GUCY2D: variants seen among roughly 807,000 people sequenced by gnomAD.
GUCY2D encodes guanylate cyclase 2D, retinal.
GUCY2D carries 70 observed loss-of-function variants against 101.3 expected under a neutral mutation model. That is an observed-to-expected ratio of 0.69 (90% CI 0.57 to 0.84). The LOEUF (loss-of-function observed/expected upper bound fraction) is 0.84. Among genes scored for constraint, GUCY2D ranks in the 40% least tolerant of loss-of-function variants. The probability of loss-of-function intolerance (pLI) is 0.00; values close to 1 mark genes in which losing one functional copy is unlikely to be tolerated. For synonymous variants in GUCY2D, 688 were observed against 670.7 expected (o/e 1.03, Z -0.40); for missense variants, 1,460 against 1,542.5 (o/e 0.95, Z 0.90).
At position 8,012,129 on chromosome 17, in the gene GUCY2D, C is replaced by T. The variant is rs374969713; in HGVS notation, c.1750-15C>T. On this transcript the variant is annotated splice_polypyrimidine_tract_variant and intron_variant, in intron 8 of 19. Transcript: ENST00000254854. ...GCCCTGGGCAGAAAATGCAAGTCAA[C>T]TCTCCCCCTCTCAGCTCCAGGAGCT... 19 of 1,599,026 alleles carry T rather than the reference C, an allele frequency of 1.2e-5. No homozygotes were observed. The African/African-American group carries it at 2.1e-4, about 18-fold the overall frequency.
chr17:8,004,817 C>G (rs1328865921), intron 3 of GUCY2D, among the ~76,000 whole-genome samples: 1 of 152,188 alleles, frequency 6.6e-6, no homozygotes, highest in Admixed American at 6.5e-5. Flanking sequence ...AAAGGTCCAA[C>G]TCACAGGCGG....
rs763362455 is a variant in GUCY2D, at chr17:8,012,237, C to T, written c.1843C>T (p.Leu615=). ...CCCTGCGGCCCTCTGGGAGGGCAAC[C>T]TGGCTGTGGTCTCAGAGCACTGCAC... ...EGPAALWEGN[L]AVVSEHCTRG... Residue 615 remains leucine, a synonymous_variant, in exon 9 of 20, where the codon CTG becomes TTG. Transcript: ENST00000254854. 3 of 1,613,854 alleles carry T rather than the reference C, an allele frequency of 1.9e-6. No individual in the cohort carries two copies. Among genetic ancestry groups the T allele is most frequent in the Admixed American group, 1.7e-5 (1 of 60,010 alleles).
In GUCY2D at chr17:8,009,489, C is replaced by A; in HGVS notation, c.1669-17C>A. The A allele has an allele frequency of 6.4e-7, 1 of 1,564,338 alleles. No individual in the cohort carries two copies. Among genetic ancestry groups the A allele is most frequent in the Non-Finnish European group, 8.8e-7 (1 of 1,134,502 alleles). ...TTTAAGAGACTGAGTTCCCTACCCC[C>A]ATCCTCTTTGCTGCAGGGAGACAGG... On this transcript the variant is annotated splice_polypyrimidine_tract_variant and intron_variant, in intron 7 of 19. Coordinates refer to ENST00000254854, the MANE Select transcript of GUCY2D (RefSeq NM_000180.4).
intron 19 of GUCY2D, among the ~76,000 whole-genome samples, chr17:8,017,953 C>G (rs1976007954): frequency 6.6e-6 from 1 of 152,174 alleles, no homozygotes; most frequent in Non-Finnish European, 1.5e-5. Context: ...CTTGGCCTCC[C>G]AAAGTGCTGG....
At chr17:8,009,281 A>T (rs749084260) in intron 7 of GUCY2D, among the ~76,000 whole-genome samples, 17 of 152,188 alleles carry the variant, frequency 1.1e-4, no homozygotes, top group Non-Finnish European at 2.4e-4. Flanking sequence ...TGGTGAGGAC[A>T]GCCATCCATG....
rs1469093409 is a variant in GUCY2D at position 8,007,970 on chromosome 17, A to T, written c.1606A>T (p.Met536Leu). The T allele has an allele frequency of 6.2e-7, 1 of 1,613,860 alleles. No individual in the cohort carries two copies. Among genetic ancestry groups the T allele is most frequent in the Admixed American group, 1.7e-5 (1 of 60,012 alleles). ...TCGATCAAGTCTGGGTGCCCGCAGC[A>T]TGTCAGACATTCGCAGCGGCCCCAG... is the stretch of plus-strand genomic sequence containing the variant. ...GSRSSLGARSMSDIRSGPSQH... is the reference protein window; with the variant it reads ...GSRSSLGARSLSDIRSGPSQH... Residue 536 changes from methionine (M) to leucine (L), a missense_variant, in exon 7 of 20, where the codon ATG becomes TTG. Met to Leu is a conservative substitution (Grantham distance 15). This residue lies in a region of GUCY2D where 1,196 missense variants were observed against 1,229.6 expected (regional missense o/e 0.97). Transcript: ENST00000254854.
intron 19 of GUCY2D, among the ~76,000 whole-genome samples, chr17:8,018,340 G>C (rs1402427935): frequency 1.3e-5 from 2 of 152,150 alleles, no homozygotes; most frequent in Non-Finnish European, 2.9e-5. Flanking sequence ...AAGGATCTCA[G>C]GGCCCCACCC....
rs774588330 is a variant in GUCY2D, at chr17:8,013,264, C to T, written c.2263+12C>T. 3.7e-6 allele frequency: 6 copies of T among 1,613,722 alleles called. No homozygotes were observed. In the South Asian group the frequency reaches 6.6e-5, roughly 18 times the overall value. ...GCTCACTCCCGAGGGTAAGGCTGCCCTGTGCGTGGAGTTCGGCCCACAGGG... is the reference window on the plus strand; with the variant it reads ...GCTCACTCCCGAGGGTAAGGCTGCCTTGTGCGTGGAGTTCGGCCCACAGGG... On this transcript the variant is annotated intron_variant, in intron 11 of 19. Transcript: ENST00000254854. This position sits in a 1 kb window ranked among gnomAD's most constrained non-coding sequence, Gnocchi z 5.0.
At position 8,014,099 on chromosome 17, in the gene GUCY2D, CA is replaced by C; in HGVS notation, c.2412+72del. 1 of 1,374,816 alleles carries C rather than the reference CA, an allele frequency of 7.3e-7. No individual in the cohort carries two copies. Among genetic ancestry groups the C allele is most frequent in the Non-Finnish European group, 1.0e-6 (1 of 972,368 alleles). 85.2% of individuals were successfully genotyped at this position (1,374,816 alleles called of 1,614,324 possible). Reference sequence around the variant, plus strand: ...CCAGATGCTTGTCAGCAACCTGAGACAGCTGCAGACAGGCAGGCTGGCAGGA... The same window carrying C: ...CCAGATGCTTGTCAGCAACCTGAGACGCTGCAGACAGGCAGGCTGGCAGGA... On this transcript the variant is annotated intron_variant, in intron 12 of 19. Coordinates refer to ENST00000254854, the MANE Select transcript of GUCY2D (RefSeq NM_000180.4). This position sits in a 1 kb window ranked among gnomAD's most constrained non-coding sequence, Gnocchi z 4.0.
At chr17:8,012,964 TG>T (rs1975885269) in intron 10 of GUCY2D, 138 bp from the exon 11 acceptor site, 4 of 713,478 alleles carry the variant, frequency 5.6e-6, no homozygotes, top group African/African-American at 1.8e-5. Context: ...TAGAGATAGT[TG>T]CAGGGCTGGT....
intron 8 of GUCY2D, among the ~76,000 whole-genome samples, chr17:8,009,789 C>A (rs1487426548): frequency 6.6e-6 from 1 of 151,988 alleles, no homozygotes; most frequent in East Asian, 1.9e-4. Flanking sequence ...CCAGCCTGGG[C>A]AACATAAAGA....
intron 10 of GUCY2D, among the ~76,000 whole-genome samples, chr17:8,012,829 A>T (rs1264226535): frequency 2.0e-5 from 3 of 152,208 alleles, no homozygotes; most frequent in African/African-American, 7.2e-5. Context: ...TGCCTGCAGC[A>T]GGGTTTGCTC....
chr17:8,008,953 A>T (rs193212053), intron 7 of GUCY2D, among the ~76,000 whole-genome samples: 2 of 152,336 alleles, frequency 1.3e-5, no homozygotes, highest in Admixed American at 1.3e-4. Flanking sequence ...GATAGAAATG[A>T]GGGGCTCCTC....
At position 8,007,943 on chromosome 17, in the gene GUCY2D, A is replaced by C. The variant is rs755454531; in HGVS notation, c.1579A>C (p.Ser527Arg). The change falls in exon 7 of 20, where the codon AGT (serine) becomes CGT (arginine). Residue 527 changes from serine (S) to arginine (R), a missense_variant. Coordinates refer to ENST00000254854, the MANE Select transcript of GUCY2D (RefSeq NM_000180.4). ...CTCTACCTGCTAGGTGGCCCAGGGG[A>C]GTCGATCAAGTCTGGGTGCCCGCAG... ...GGTSRKVAQG[S>R]RSSLGARSMS... 2 of 1,610,814 alleles carry C rather than the reference A, an allele frequency of 1.2e-6. No homozygotes were observed. Among genetic ancestry groups the C allele is most frequent in the African/African-American group, 2.7e-5 (2 of 74,818 alleles).
intron 19 of GUCY2D, among the ~76,000 whole-genome samples, chr17:8,018,349 C>A (rs1976014353): frequency 6.6e-6 from 1 of 152,100 alleles, no homozygotes; most frequent in Non-Finnish European, 1.5e-5. Flanking sequence ...AGGGCCCCAC[C>A]CCAGACCTGC....
At position 8,012,443 on chromosome 17, in the gene GUCY2D, T is replaced by G; in HGVS notation, c.1957-7T>G. The stretch of plus-strand genomic sequence containing the variant: ...CTGAGGCTGCCTCTTACCCTACCCA[T>G]TCCAAGGGAATAAGGTATCTGCACC... On this transcript the variant is annotated splice_polypyrimidine_tract_variant and splice_region_variant and intron_variant, in intron 9 of 19. Transcript: ENST00000254854. 6.2e-7 allele frequency: 1 copy of G among 1,613,926 alleles called. No individual in the cohort carries two copies.
Position 8,003,295 on chromosome 17 carries a change from G to T in GUCY2D, c.248G>T (p.Arg83Leu). The T allele has an allele frequency of 6.7e-7, 1 of 1,490,302 alleles. No individual in the cohort carries two copies. The highest frequency in any genetic ancestry group is 1.3e-5 in the South Asian group (1 of 78,990). 92.3% of individuals were successfully genotyped at this position (1,490,302 alleles called of 1,614,324 possible). A position where few individuals can be genotyped will look rare whatever the true frequency, so the allele number is the denominator to read the frequency against. Residue 83 changes from arginine (R) to leucine (L), a missense_variant, in exon 2 of 20, where the codon CGC (arginine) becomes CTC (leucine). By Grantham distance (102) the Arg-to-Leu change is moderately radical. Around this residue, in one of 3 missense-constraint regions of GUCY2D, gnomAD observed 1,196 missense variants for 1,229.6 expected, o/e 0.97. Transcript: ENST00000254854. ...PDLAARLAAARLNRDPGLAGG... is the reference protein window; with the variant it reads ...PDLAARLAAALLNRDPGLAGG... ...CTGGCCGCCCGCCTGGCCGCCGCCC[G>T]CCTGAACCGCGACCCCGGCCTGGCA...
In GUCY2D at chr17:8,007,546, G is replaced by A. The variant is rs745890471; in HGVS notation, c.1566+18G>A. On this transcript the variant is annotated intron_variant, in intron 6 of 19. Coordinates refer to ENST00000254854, the MANE Select transcript of GUCY2D (RefSeq NM_000180.4). ...CTCGAAAGGTGGGGGAGGCAGAGAG[G>A]CAGGAGCCAGTTGTCTTCTTTCCGT... is the stretch of plus-strand genomic sequence containing the variant. 1.4e-6 allele frequency: 2 copies of A among 1,463,982 alleles called. No homozygotes were observed. The highest frequency in any genetic ancestry group is 1.1e-5 in the South Asian group (1 of 88,200). 90.7% of individuals were successfully genotyped at this position (1,463,982 alleles called of 1,614,324 possible). A position where few individuals can be genotyped will look rare whatever the true frequency, so the allele number is the denominator to read the frequency against.
intron 14 of GUCY2D, 61 bp from the exon 15 acceptor site, chr17:8,015,267 C>A (rs1383909254): frequency 2.0e-6 from 3 of 1,493,462 alleles, no homozygotes; most frequent in Non-Finnish European, 2.8e-6. Context: ...AAGAGGCAAT[C>A]GCTTCGTGTA....
Sources: allele counts gnomAD v4.1 joint callset (sites outside exome capture counted in the v4.1 genomes callset), GRCh38; gene constraint gnomAD v4.1.1; regional missense constraint gnomAD v4.1.1; non-coding constraint Gnocchi (gnomAD v3.1); transcripts MANE v1.5; gene names NCBI Gene and HGNC (gene_info 2026-07-23, HGNC 2026-07-21).